KIF26A: variants seen among roughly 807,000 people sequenced by gnomAD.
KIF26A encodes kinesin family member 26A.
KIF26A carries 74 observed loss-of-function variants against 126.0 expected under a neutral mutation model. The ratio of observed to expected loss-of-function variants is 0.59; its 90% CI spans 0.49 to 0.71. The LOEUF (loss-of-function observed/expected upper bound fraction) is 0.71. KIF26A is among the 30% of genes least tolerant of loss of function. KIF26A has a pLI of 0.00. For synonymous variants in KIF26A, 1,445 were observed against 1,232.7 expected (o/e 1.17, Z -3.61); for missense variants, 2,984 against 2,763.3 (o/e 1.08, Z -1.79).
At chr14:104,149,160 C>T (rs1449898410) in intron 2 of KIF26A, among the ~76,000 whole-genome samples, 1 of 152,190 alleles carries the variant, frequency 6.6e-6, no homozygotes, top group Admixed American at 6.5e-5. Context: ...AGGCCGGTCT[C>T]GCATAAGTGA....
In KIF26A at chr14:104,171,754, AG is replaced by A; in HGVS notation, c.1150del (p.Ala384ProfsTer11). On this transcript the variant is annotated frameshift_variant, in exon 6 of 15. Transcript: ENST00000423312. LOFTEE classifies it high-confidence loss of function. The stretch of plus-strand genomic sequence containing the variant: ...GTTATGCTGCGGATCTGGCCCGCAC[AG>A]GGGGCCCAGCGCTCGGCCGAGGCCA... ...VKVMLRIWPAQGAQRSAEAMS... is the reference protein window; with the variant it reads ...VKVMLRIWPAXGAQRSAEAMS... 2 of 1,580,094 alleles carry A rather than the reference AG, an allele frequency of 1.3e-6. No individual in the cohort carries two copies. Among genetic ancestry groups the A allele is most frequent in the Non-Finnish European group, 8.6e-7 (1 of 1,164,278 alleles).
At chr14:104,141,633 T>G (rs1451951793) in intron 2 of KIF26A, among the ~76,000 whole-genome samples, 2 of 150,896 alleles carry the variant, frequency 1.3e-5, no homozygotes, top group African/African-American at 4.9e-5. Context: ...CTGTCTCCGT[T>G]GTAGAGGGAG....
chr14:104,177,936 GCTTT>G (rs1400004325), intron 12 of KIF26A, 38 bp downstream of exon 12: 1 of 1,459,858 alleles, frequency 6.8e-7, no homozygotes, highest in Admixed American at 2.5e-5. Context: ...CAGTTTACGG[GCTTT>G]CTGTGTGTAG....
chr14:104,172,319 C>T (rs2037967907), intron 6 of KIF26A, among the ~76,000 whole-genome samples: 2 of 152,368 alleles, frequency 1.3e-5, no homozygotes, highest in Middle Eastern at 3.4e-3. Context: ...CCCCTGCGCC[C>T]GGCGGCTGGA....
intron 3 of KIF26A, among the ~76,000 whole-genome samples, chr14:104,153,778 G>T (rs568120760): frequency 2.0e-4 from 30 of 152,318 alleles, no homozygotes; most frequent in African/African-American, 6.7e-4. Context: ...AGGATGGTGG[G>T]CACAGGCACC....
chr14:104,177,067 G>A lies in KIF26A; in HGVS notation c.4279G>A (p.Glu1427Lys). The A allele has an allele frequency of 6.3e-7, 1 of 1,592,478 alleles. No individual in the cohort carries two copies. Among genetic ancestry groups the A allele is most frequent in the Non-Finnish European group, 8.5e-7 (1 of 1,177,332 alleles). Reference protein sequence around the residue: ...SSLKARASKVEAAHRLAGHAS... With the variant: ...SSLKARASKVKAAHRLAGHAS... ...CCTGAAGGCCCGGGCCAGCAAGGTA[G>A]AAGCAGCACACCGTCTTGCCGGACA... The change falls in exon 12 of 15, where the codon GAA (glutamate) becomes AAA (lysine). Residue 1427 changes from glutamate to lysine, a missense_variant. Physicochemically the swap from Glu to Lys is moderately conservative, Grantham distance 56 (BLOSUM62 1). Coordinates refer to ENST00000423312, the MANE Select transcript of KIF26A (RefSeq NM_015656.2).
Position 104,177,172 on chromosome 14 carries a change from G to C in KIF26A, c.4384G>C (p.Val1462Leu). The change falls in exon 12 of 15, where the codon GTA becomes CTA. Residue 1462 changes from valine to leucine, a missense_variant. Physicochemically the swap from Val to Leu is conservative, Grantham distance 32. Coordinates refer to ENST00000423312, the MANE Select transcript of KIF26A (RefSeq NM_015656.2). ...AGCCCCTGGGCGGCCTCCCCGGGCTGTACCCAAGCTGGGTGTGCCACCCTC... is the reference window on the plus strand; with the variant it reads ...AGCCCCTGGGCGGCCTCCCCGGGCTCTACCCAAGCTGGGTGTGCCACCCTC... The part of the protein sequence containing the change: ...REAPGRPPRA[V>L]PKLGVPPSSP... 6.3e-7 allele frequency: 1 copy of C among 1,596,992 alleles called. No homozygotes were observed. The highest frequency in any genetic ancestry group is 8.5e-7 in the Non-Finnish European group (1 of 1,178,538).
In KIF26A at chr14:104,153,844, T is replaced by G. The variant is rs2037752885; in HGVS notation, c.735+1383T>G. Among the ~76,000 whole-genome samples, 3 of 152,182 alleles carry G rather than the reference T, an allele frequency of 2.0e-5. No individual in the cohort carries two copies. The South Asian group carries it at 6.2e-4, about 32-fold the overall frequency. On this transcript the variant is annotated intron_variant, in intron 3 of 14. Transcript: ENST00000423312. The stretch of plus-strand genomic sequence containing the variant: ...GGCCTCACTGCACCCTGCCCGTGGC[T>G]GAGGGTCCCAGCGGGTGGGGGTGGA...
chr14:104,174,899 T>C, intron 11 of KIF26A, 83 bp from the exon 12 acceptor site: 2 of 1,372,816 alleles, frequency 1.5e-6, no homozygotes, highest in Admixed American at 5.4e-5. Context: ...ACCGCAGCAT[T>C]GGCCCTGTGC....
chr14:104,138,850 G>A (rs1158208586), intron 1 of KIF26A, 86 bp downstream of exon 1: 1 of 1,259,748 alleles, frequency 7.9e-7, no homozygotes, highest in African/African-American at 1.6e-5. Flanking sequence ...GGATCCCTGG[G>A]GGCCGGGCCT....
intron 4 of KIF26A, among the ~76,000 whole-genome samples, chr14:104,161,082 TC>T (rs1224010533): frequency 6.6e-6 from 1 of 152,144 alleles, no homozygotes; most frequent in African/African-American, 2.4e-5. Flanking sequence ...TGGAGAGGTG[TC>T]CCCACCTGTC....
Position 104,177,138 on chromosome 14 carries a change from G to A in KIF26A, c.4350G>A (p.Lys1450=). The A allele has an allele frequency of 3.1e-6, 5 of 1,597,826 alleles. No individual in the cohort carries two copies. Among genetic ancestry groups the A allele is most frequent in the Non-Finnish European group, 4.2e-6 (5 of 1,179,380 alleles). Residue 1450 remains lysine (K), a synonymous_variant, in exon 12 of 15, where the codon AAG becomes AAA. Transcript: ENST00000423312. The part of the protein sequence containing the change: ...RYEGLAHSSS[K]GREAPGRPPR... ...AAGGCCTGGCGCACAGCAGCAGCAA[G>A]GGCCGGGAAGCCCCTGGGCGGCCTC...
At chr14:104,164,455 C>A (rs1027231741) in intron 4 of KIF26A, among the ~76,000 whole-genome samples, 1 of 152,058 alleles carries the variant, frequency 6.6e-6, no homozygotes, top group African/African-American at 2.4e-5. Flanking sequence ...GCTGGTGGGT[C>A]CATGATCCGG....
At chr14:104,172,520 C>A (rs2037969556) in intron 6 of KIF26A, 55 bp from the exon 7 acceptor site, 1 of 1,391,690 alleles carries the variant, frequency 7.2e-7, no homozygotes, top group Non-Finnish European at 1.0e-6. Flanking sequence ...CTCAGGCCCA[C>A]AGACGTGGCA....
intron 4 of KIF26A, among the ~76,000 whole-genome samples, chr14:104,164,555 C>T (rs2037862709): frequency 6.6e-6 from 1 of 152,142 alleles, no homozygotes; most frequent in Admixed American, 6.5e-5. Flanking sequence ...AGAGAAGCCA[C>T]CCCAGGGAAT....
intron 5 of KIF26A, among the ~76,000 whole-genome samples, chr14:104,168,598 A>G (rs2037929012): frequency 6.6e-6 from 1 of 152,070 alleles, no homozygotes; most frequent in Non-Finnish European, 1.5e-5. Context: ...TGGTGAGACC[A>G]CCAGGAGCCT....
chr14:104,157,359 CAG>C (rs1179791775), intron 3 of KIF26A, among the ~76,000 whole-genome samples: 5 of 152,126 alleles, frequency 3.3e-5, no homozygotes, highest in African/African-American at 1.2e-4. Flanking sequence ...CCAGGAGGCT[CAG>C]GGGTGAGAGG....
intron 4 of KIF26A, among the ~76,000 whole-genome samples, chr14:104,159,267 C>T (rs1205713475): frequency 6.6e-6 from 1 of 152,222 alleles, no homozygotes; most frequent in Non-Finnish European, 1.5e-5. Flanking sequence ...CAGCCCACCC[C>T]GTCACAACCG....
chr14:104,177,685 A>G lies in KIF26A; in HGVS notation c.4897A>G (p.Asn1633Asp), dbSNP rs749848975. The stretch of plus-strand genomic sequence containing the variant: ...CTACAGCAGCGGCCATGGCAGCGAC[A>G]ACAGCAGCGTGCTGAGTGGAGAGCT... ...QRYSSGHGSD[N>D]SSVLSGELPP... Residue 1633 changes from asparagine (N) to aspartate (D), a missense_variant, in exon 12 of 15, where the codon AAC becomes GAC. Asn to Asp is a conservative substitution (Grantham distance 23, BLOSUM62 1). Coordinates refer to ENST00000423312, the MANE Select transcript of KIF26A (RefSeq NM_015656.2). The G allele has an allele frequency of 1.3e-6, 2 of 1,531,256 alleles. No homozygotes were observed. Among genetic ancestry groups the G allele is most frequent in the African/African-American group, 1.4e-5 (1 of 72,800 alleles). 94.9% of individuals were successfully genotyped at this position (1,531,256 alleles called of 1,614,324 possible).
Sources: gnomAD v4.1 joint callset for allele counts (sites outside exome capture counted in the v4.1 genomes callset) on GRCh38, gnomAD v4.1.1 for gene constraint, MANE v1.5 for transcripts, NCBI Gene and HGNC (gene_info 2026-07-23, HGNC 2026-07-21) for gene names.